RRAGD: variants seen among roughly 807,000 people sequenced by gnomAD.
RRAGD encodes ras-related GTP-binding protein D.
A neutral mutation model predicts 35.5 loss-of-function variants in RRAGD; 12 were observed. That is an observed-to-expected ratio of 0.34 (90% confidence interval 0.22 to 0.55). RRAGD has a LOEUF of 0.55. Among genes scored for constraint, RRAGD ranks in the 20% least tolerant of loss-of-function variants. RRAGD has a pLI of 0.91. For missense variants in RRAGD, 324 were observed against 490.1 expected (o/e 0.66, Z 3.20); for synonymous variants, 155 against 178.9 (o/e 0.87, Z 1.07).
At chr6:89,372,069 C>A (rs997122520) in intron 6 of RRAGD, among the ~76,000 whole-genome samples, 1 of 152,186 alleles carries the variant, frequency 6.6e-6, no homozygotes, top group African/African-American at 2.4e-5. Flanking sequence ...AAGTGGAGAC[C>A]TCCACCCTCA....
intron 1 of RRAGD, among the ~76,000 whole-genome samples, chr6:89,393,380 T>G (rs1027003668): frequency 1.3e-5 from 2 of 152,168 alleles, no homozygotes; most frequent in Non-Finnish European, 2.9e-5. Flanking sequence ...AGTCATTATT[T>G]GGAGAATAAC....
rs988172330 is a variant in RRAGD at position 89,411,124 on chromosome 6, A to T, written c.148+722T>A. On this transcript the variant is annotated intron_variant, in intron 1 of 6. Transcript: ENST00000369415. The surrounding 1 kb of genome is among the most constrained non-coding windows in gnomAD (Gnocchi z 5.6). ...AACCCGCTTCTAGAACAGGAAAAAG[A>T]GTTTGCTTCACTATTGAAGCAAAGA... Among the ~76,000 whole-genome samples the T allele has an allele frequency of 9.2e-5, 14 of 152,242 alleles. 2 individuals carry two copies. Among genetic ancestry groups the T allele is most frequent in the Admixed American group, 8.5e-4 (13 of 15,290 alleles).
chr6:89,408,841 T>C (rs1042934298), intron 1 of RRAGD, among the ~76,000 whole-genome samples: 6 of 152,226 alleles, frequency 3.9e-5, no homozygotes, highest in African/African-American at 9.7e-5. Flanking sequence ...TTAAAGTCCA[T>C]GAATCTAAAA....
intron 1 of RRAGD, among the ~76,000 whole-genome samples, chr6:89,396,771 G>C (rs1332720168): frequency 9.2e-6 from 1 of 108,806 alleles, no homozygotes; most frequent in Non-Finnish European, 1.7e-5. Context: ...ACAGAGTCTT[G>C]CTCTGTCACA....
chr6:89,399,718 G>A (rs927853322), intron 1 of RRAGD, among the ~76,000 whole-genome samples: 4 of 151,856 alleles, frequency 2.6e-5, no homozygotes, highest in Non-Finnish European at 5.9e-5. Context: ...AGTTAAGGCT[G>A]CAGTGAGCTG....
At chr6:89,382,163 C>G (rs1441719384) in intron 2 of RRAGD, among the ~76,000 whole-genome samples, 34 of 151,956 alleles carry the variant, frequency 2.2e-4, no homozygotes, top group Admixed American at 2.0e-3. Context: ...CTCCAAACAT[C>G]AGTAAAAATG....
At chr6:89,386,120 C>T (rs928281160) in intron 2 of RRAGD, among the ~76,000 whole-genome samples, 1 of 152,182 alleles carries the variant, frequency 6.6e-6, no homozygotes, top group Non-Finnish European at 1.5e-5. Context: ...GTTGGTTCAG[C>T]GCATGCTGAG....
At chr6:89,396,927 G>C (rs1417632760) in intron 1 of RRAGD, among the ~76,000 whole-genome samples, 1 of 151,462 alleles carries the variant, frequency 6.6e-6, no homozygotes, top group African/African-American at 2.4e-5. Context: ...TTTTAGTAGA[G>C]ATGGGGTTTC....
chr6:89,401,732 C>T (rs1307508171), intron 1 of RRAGD, among the ~76,000 whole-genome samples: 1 of 152,176 alleles, frequency 6.6e-6, no homozygotes, highest in East Asian at 1.9e-4. Flanking sequence ...TCAGCTCAGC[C>T]CAGCTGCAAT....
At chr6:89,373,100 A>C (rs1461486846) in intron 5 of RRAGD, among the ~76,000 whole-genome samples, 1 of 152,264 alleles carries the variant, frequency 6.6e-6, no homozygotes, top group Non-Finnish European at 1.5e-5. Context: ...TAATGTAGCC[A>C]TGCTAAATTT....
intron 1 of RRAGD, among the ~76,000 whole-genome samples, chr6:89,398,251 T>C (rs1263648790): frequency 1.3e-5 from 2 of 152,238 alleles, no homozygotes; most frequent in Non-Finnish European, 2.9e-5. Flanking sequence ...ATATGTTCTT[T>C]ATCTTGACTG....
chr6:89,379,311 A>G lies in RRAGD; in HGVS notation c.672T>C (p.His224=). ...CTTTGCTAAAAGCTTCAAATATTGA[A>G]TGATCATATATGCTTGTCAGATAAA... ...LSFYLTSIYD[H]SIFEAFSKVV... Residue 224 remains histidine (H), a synonymous_variant, in exon 4 of 7, where the codon CAT becomes CAC. Coordinates refer to ENST00000369415, the MANE Select transcript of RRAGD (RefSeq NM_021244.5). 1 of 1,589,390 alleles carries G rather than the reference A, an allele frequency of 6.3e-7. No individual in the cohort carries two copies. The highest frequency in any genetic ancestry group is 2.2e-5 in the East Asian group (1 of 44,688).
At chr6:89,399,667 C>A (rs957383163) in intron 1 of RRAGD, among the ~76,000 whole-genome samples, 2 of 151,980 alleles carry the variant, frequency 1.3e-5, no homozygotes, top group African/African-American at 4.8e-5. Context: ...ATAGTCCCAG[C>A]TACTCAGGAG....
intron 6 of RRAGD, among the ~76,000 whole-genome samples, chr6:89,370,598 A>G (rs1768838064): frequency 6.6e-6 from 1 of 152,222 alleles, no homozygotes; most frequent in East Asian, 1.9e-4. Context: ...TTAGGAAACA[A>G]CCAAAGATGC....
Position 89,412,166 on chromosome 6 carries a change from C to T in RRAGD, c.-173G>A. 6.2e-6 allele frequency: 3 copies of T among 484,062 alleles called. No homozygotes were observed. Among genetic ancestry groups the T allele is most frequent in the Admixed American group, 4.7e-5 (1 of 21,298 alleles). 30.0% of individuals were successfully genotyped at this position (484,062 alleles called of 1,614,324 possible). ...CGGCGGGCGGCGCCCAGGTCCGGGTCCCGCGGTTCCCAGCGCGCCCGAAGC... is the reference window on the plus strand; with the variant it reads ...CGGCGGGCGGCGCCCAGGTCCGGGTTCCGCGGTTCCCAGCGCGCCCGAAGC... On this transcript the variant is annotated 5_prime_UTR_variant, in exon 1 of 7. Coordinates refer to ENST00000369415, the MANE Select transcript of RRAGD (RefSeq NM_021244.5). This position sits in a 1 kb window ranked among gnomAD's most constrained non-coding sequence, Gnocchi z 4.2.
chr6:89,411,977 C>A lies in RRAGD; in HGVS notation c.17G>T (p.Gly6Val). The A allele has an allele frequency of 6.5e-7, 1 of 1,535,076 alleles. No homozygotes were observed. The highest frequency in any genetic ancestry group is 8.7e-7 in the Non-Finnish European group (1 of 1,145,506). MSQVL[G>V]KPQPQDEDDA... ...GTCCTCGTCCTGCGGCTGCGGCTTC[C>A]CCAGCACCTGGCTCATCGTGCCCAC... The change falls in exon 1 of 7, where the codon GGG becomes GTG. Residue 6 changes from glycine to valine, a missense_variant. Around this residue, in one of 5 missense-constraint regions of RRAGD, gnomAD observed 96 missense variants for 78.7 expected, o/e 1.22. Transcript: ENST00000369415. The surrounding 1 kb of genome is among the most constrained non-coding windows in gnomAD (Gnocchi z 5.6).
chr6:89,385,665 T>C (rs1215553551), intron 2 of RRAGD, among the ~76,000 whole-genome samples: 1 of 152,084 alleles, frequency 6.6e-6, no homozygotes, highest in African/African-American at 2.4e-5. Flanking sequence ...TGTTTCTGGG[T>C]AGGCCCATGG....
chr6:89,397,431 A>G (rs1199776100), intron 1 of RRAGD, among the ~76,000 whole-genome samples: 2 of 152,184 alleles, frequency 1.3e-5, no homozygotes, highest in African/African-American at 4.8e-5. Flanking sequence ...TAACGTGTAC[A>G]TAAAGGATCA....
rs1180507375 is a variant in RRAGD at position 89,380,385 on chromosome 6, G to A, written c.445-18C>T. 8.7e-6 allele frequency: 14 copies of A among 1,609,844 alleles called. No homozygotes were observed. Among genetic ancestry groups the A allele is most frequent in the South Asian group, 3.3e-5 (3 of 90,920 alleles). On this transcript the variant is annotated intron_variant, in intron 2 of 6. Coordinates refer to ENST00000369415, the MANE Select transcript of RRAGD (RefSeq NM_021244.5). Reference sequence around the variant, plus strand: ...TAATCATCCTAGGACCAAAGGCAACGCCTGTGAGAGAAGGCCGCTTTGCTT... The same window carrying A: ...TAATCATCCTAGGACCAAAGGCAACACCTGTGAGAGAAGGCCGCTTTGCTT...
Sources: gnomAD v4.1 joint callset for allele counts (sites outside exome capture counted in the v4.1 genomes callset) on GRCh38, gnomAD v4.1.1 for gene constraint, gnomAD v4.1.1 regional missense constraint, Gnocchi (gnomAD v3.1) non-coding constraint, MANE v1.5 for transcripts, NCBI Gene and HGNC (gene_info 2026-07-23, HGNC 2026-07-21) for gene names.